Variants in MMD observed in about 807,000 individuals in gnomAD.
MMD encodes monocyte to macrophage differentiation associated.
In MMD, 22 loss-of-function variants were observed where a neutral mutation model predicts 33.6. That is an observed-to-expected ratio of 0.66 (90% CI 0.47 to 0.94). The LOEUF (loss-of-function observed/expected upper bound fraction) is 0.94, where lower values mean the gene tolerates loss of function less well. Among genes scored for constraint, MMD ranks in the 40% least tolerant of loss-of-function variants. The pLI is 0.00. For synonymous variants in MMD, 97 were observed against 103.2 expected (o/e 0.94, Z 0.36); for missense variants, 242 against 309.8 (o/e 0.78, Z 1.64).
intron 6 of MMD, among the ~76,000 whole-genome samples, chr17:55,399,628 CAT>C (rs761156687): frequency 6.6e-6 from 1 of 152,236 alleles, no homozygotes; most frequent in African/African-American, 2.4e-5. Flanking sequence ...TCAGCTTCTA[CAT>C]GTTTTTCCAA....
chr17:55,409,747 G>A (rs191580616), intron 3 of MMD, among the ~76,000 whole-genome samples: 61 of 152,332 alleles, frequency 4.0e-4, no homozygotes, highest in Admixed American at 3.0e-3. Flanking sequence ...CTGGCAGGGA[G>A]ACCCAGAATA....
chr17:55,418,926 C>A (rs1320791527), intron 1 of MMD, among the ~76,000 whole-genome samples: 2 of 152,142 alleles, frequency 1.3e-5, no homozygotes, highest in Admixed American at 6.5e-5. Context: ...TACACACCAA[C>A]AAGAAGATAC....
Position 55,401,555 on chromosome 17 carries a change from GC to G in MMD, c.447-18del. 1 of 1,589,622 alleles carries G rather than the reference GC, an allele frequency of 6.3e-7. No individual in the cohort carries two copies. The highest frequency in any genetic ancestry group is 8.6e-7 in the Non-Finnish European group (1 of 1,167,160). On this transcript the variant is annotated intron_variant, in intron 5 of 6. Coordinates refer to ENST00000262065, the MANE Select transcript of MMD (RefSeq NM_012329.3). ...ACCTTATATCTGCAGGAACAAAAAT[GC>G]AGTTAATTTAACTTATAAATTTCTA...
At chr17:55,407,298 CAAAATAAATAAA>C (rs1170094006) in intron 4 of MMD, among the ~76,000 whole-genome samples, 179 of 136,392 alleles carry the variant, frequency 1.3e-3, no homozygotes, top group African/African-American at 4.8e-3. Flanking sequence ...GACTCCATCT[CAAAATAAATAAA>C]TAAATAAATA....
At chr17:55,396,830 T>G (rs187119356) in intron 6 of MMD, among the ~76,000 whole-genome samples, 1 of 151,970 alleles carries the variant, frequency 6.6e-6, no homozygotes, top group Non-Finnish European at 1.5e-5. Flanking sequence ...TCGGTCAGGC[T>G]GGTCTCGAAC....
chr17:55,404,818 T>C lies in MMD; in HGVS notation c.345-950A>G, dbSNP rs1443811499. On this transcript the variant is annotated intron_variant, in intron 4 of 6. Transcript: ENST00000262065. ...GGCTCACACCTGTAATCCCAGAACT[T>C]TGGGAGGCCAAGGCAGGCAGATCAC... The C allele has an allele frequency of 5.3e-6, 5 of 946,110 alleles. No individual in the cohort carries two copies. The East Asian group carries it at 3.5e-4, about 66-fold the overall frequency. 58.6% of individuals were successfully genotyped at this position (946,110 alleles called of 1,614,324 possible). A position where few individuals can be genotyped will look rare whatever the true frequency, so the allele number is the denominator to read the frequency against.
chr17:55,394,298 G>A lies in MMD; in HGVS notation c.*36C>T. On this transcript the variant is annotated 3_prime_UTR_variant, in exon 7 of 7. Coordinates refer to ENST00000262065, the MANE Select transcript of MMD (RefSeq NM_012329.3). ...CACCCCACTCCCAAGTGCCATAATT[G>A]AAATAATACTGGTTTGGAGAATTAG... The A allele has an allele frequency of 7.6e-7, 1 of 1,309,828 alleles. No homozygotes were observed. Among genetic ancestry groups the A allele is most frequent in the African/African-American group, 1.5e-5 (1 of 66,266 alleles). The allele number at this position is 1,309,828 out of a possible 1,614,324, so 81.1% of individuals were successfully genotyped here.
chr17:55,418,383 C>T (rs1445639759), intron 1 of MMD, among the ~76,000 whole-genome samples: 2 of 152,162 alleles, frequency 1.3e-5, no homozygotes, highest in African/African-American at 2.4e-5. Flanking sequence ...AAAGACATTC[C>T]AGCTACTGCT....
chr17:55,420,262 T>A (rs972433875), intron 1 of MMD: 1 of 152,304 alleles, frequency 6.6e-6, no homozygotes, highest in Non-Finnish European at 1.5e-5. Context: ...GCTTCACTGA[T>A]CATGACTGGA....
rs961980022 is a variant in MMD at position 55,394,673 on chromosome 17, A to C, written c.517-139T>G. The C allele has an allele frequency of 4.4e-5, 32 of 735,546 alleles. No individual in the cohort carries two copies. The East Asian group carries it at 8.2e-4, about 19-fold the overall frequency. 45.6% of individuals were successfully genotyped at this position (735,546 alleles called of 1,614,324 possible). A position where few individuals can be genotyped will look rare whatever the true frequency, so the allele number is the denominator to read the frequency against. On this transcript the variant is annotated intron_variant, in intron 6 of 6. Transcript: ENST00000262065. ...GTGAACACAATCCTGATCTGTAAAC[A>C]TGAACCAAACATAAAAAAAGTCTCT...
chr17:55,402,087 C>CAAAAAA (rs55724383), intron 5 of MMD, among the ~76,000 whole-genome samples: 10 of 91,998 alleles, frequency 1.1e-4, no homozygotes, highest in South Asian at 3.8e-4. Flanking sequence ...GACTCAGTCT[C>CAAAAAA]AAAAAAAAAA....
In MMD at chr17:55,394,202, A is replaced by G. The variant is rs781268180; in HGVS notation, c.*132T>C. The G allele has an allele frequency of 6.0e-6, 4 of 669,386 alleles. No homozygotes were observed. Among genetic ancestry groups the G allele is most frequent in the Non-Finnish European group, 2.3e-6 (1 of 440,184 alleles). The allele number at this position is 669,386 out of a possible 1,614,324, so 41.5% of individuals were successfully genotyped here. On this transcript the variant is annotated 3_prime_UTR_variant, in exon 7 of 7. Coordinates refer to ENST00000262065, the MANE Select transcript of MMD (RefSeq NM_012329.3). ...CAGAACACAGCCTTTATACTTTCAC[A>G]GTAATTATATTCAAAAGATATAAAG... is the stretch of plus-strand genomic sequence containing the variant.
intron 6 of MMD, among the ~76,000 whole-genome samples, chr17:55,400,474 A>C (rs1486318316): frequency 6.6e-6 from 1 of 151,460 alleles, no homozygotes; most frequent in East Asian, 2.0e-4. Context: ...ACTTGAACTC[A>C]GGAGGCGGAG....
rs1907324787 is a variant in MMD at position 55,401,458 on chromosome 17, C to T, written c.516+11G>A. ...AAAGAAAATAACTAAAATTCTGAAG[C>T]CATGTCTTACCATTGATGTCACCAC... On this transcript the variant is annotated intron_variant, in intron 6 of 6. Coordinates refer to ENST00000262065, the MANE Select transcript of MMD (RefSeq NM_012329.3). The T allele has an allele frequency of 1.9e-6, 3 of 1,592,660 alleles. No individual in the cohort carries two copies. The highest frequency in any genetic ancestry group is 2.6e-6 in the Non-Finnish European group (3 of 1,169,918).
intron 1 of MMD, among the ~76,000 whole-genome samples, chr17:55,419,585 C>T (rs1908096440): frequency 7.1e-6 from 1 of 140,918 alleles, no homozygotes. Flanking sequence ...ATGAACACAG[C>T]ATTAAAAGAT....
chr17:55,418,626 T>C (rs1908061422), intron 1 of MMD, among the ~76,000 whole-genome samples: 1 of 152,234 alleles, frequency 6.6e-6, no homozygotes, highest in Non-Finnish European at 1.5e-5. Flanking sequence ...CCTTTATGAC[T>C]GAGCATATTT....
intron 4 of MMD, among the ~76,000 whole-genome samples, chr17:55,406,710 C>A (rs11079172): frequency 6.6e-6 from 1 of 151,858 alleles, no homozygotes; most frequent in South Asian, 2.1e-4. Context: ...CATGGTGAAA[C>A]CCTATCTCCA....
At chr17:55,400,873 C>T (rs568081670) in intron 6 of MMD, among the ~76,000 whole-genome samples, 24 of 151,902 alleles carry the variant, frequency 1.6e-4, no homozygotes, top group Non-Finnish European at 1.3e-4. Context: ...TAATGTTACA[C>T]TTTACCCACG....
At chr17:55,414,555 T>TCCACAC (rs1567851499) in intron 1 of MMD, among the ~76,000 whole-genome samples, 3 of 58,518 alleles carry the variant, frequency 5.1e-5, no homozygotes, top group Non-Finnish European at 9.3e-5. Context: ...TCCTCCTCCA[T>TCCACAC]TCACACACAC....
Sources: allele counts gnomAD v4.1 joint callset (sites outside exome capture counted in the v4.1 genomes callset), GRCh38; gene constraint gnomAD v4.1.1; transcripts MANE v1.5; gene names NCBI Gene and HGNC (gene_info 2026-07-23, HGNC 2026-07-21).